Variants in LTAP1 observed in about 807,000 individuals in gnomAD.
The protein encoded by LTAP1 is lipid transport auxiliary protein 1.
At chr1:154,215,467 G>A in the LTAP1 span, among the ~76,000 whole-genome samples, 12 of 151,622 alleles carry the variant, frequency 7.9e-5, no homozygotes, top group East Asian at 4.0e-4. Flanking sequence ...TCGGGAGGCC[G>A]AGGCAGGAGA....
At chr1:154,215,258 G>A in the LTAP1 span, among the ~76,000 whole-genome samples, 3 of 151,086 alleles carry the variant, frequency 2.0e-5, no homozygotes, top group African/African-American at 7.3e-5. Flanking sequence ...CAAATTCATG[G>A]TATACAAATT....
the LTAP1 span, among the ~76,000 whole-genome samples, chr1:154,209,552 G>A: frequency 3.3e-4 from 50 of 150,706 alleles, no homozygotes; most frequent in East Asian, 8.5e-3. Flanking sequence ...CAGCTCCTGA[G>A]TAGCTGGGAC....
chr1:154,212,795 G>A, the LTAP1 span: 1 of 651,438 alleles, frequency 1.5e-6, no homozygotes. Flanking sequence ...CTGATTAGCT[G>A]GGATTACAGA....
At chr1:154,220,288 G>A in the LTAP1 span, 1 of 1,596,086 alleles carries the variant, frequency 6.3e-7, no homozygotes, top group South Asian at 1.1e-5. Flanking sequence ...TCAAAAGGAG[G>A]GTCTCTACTG....
the LTAP1 span, among the ~76,000 whole-genome samples, chr1:154,209,466 C>A: frequency 1.8e-4 from 27 of 147,480 alleles, no homozygotes; most frequent in African/African-American, 6.6e-4. Context: ...CACTCTGTTG[C>A]CCAGGTTAGA....
At chr1:154,210,822 G>C in the LTAP1 span, among the ~76,000 whole-genome samples, 1 of 148,716 alleles carries the variant, frequency 6.7e-6, no homozygotes, top group Non-Finnish European at 1.5e-5. Flanking sequence ...CAAGAACTTT[G>C]ATTTTAACAT....
At chr1:154,212,867 T>C in the LTAP1 span, 1 of 461,040 alleles carries the variant, frequency 2.2e-6, no homozygotes, top group Non-Finnish European at 4.0e-6. Flanking sequence ...ACAAAAGGGT[T>C]TCACCTTGTT....
chr1:154,217,098 C>G, the LTAP1 span, among the ~76,000 whole-genome samples: 46 of 152,040 alleles, frequency 3.0e-4, no homozygotes, highest in African/African-American at 1.0e-3. Context: ...AGGCACACAC[C>G]GCCACGCCCA....
chr1:154,212,516 C>G, the LTAP1 span: 2 of 1,614,154 alleles, frequency 1.2e-6, no homozygotes, highest in Non-Finnish European at 8.5e-7. Context: ...GAGTGCTTTG[C>G]GTACACCCTT....
At chr1:154,209,369 C>T in the LTAP1 span, among the ~76,000 whole-genome samples, 1 of 151,240 alleles carries the variant, frequency 6.6e-6, no homozygotes, top group Non-Finnish European at 1.5e-5. Context: ...ACTTCTAGAC[C>T]AAATGCCCTT....
the LTAP1 span, chr1:154,212,190 T>C: frequency 1.1e-5 from 11 of 995,874 alleles, no homozygotes; most frequent in South Asian, 5.2e-5. Flanking sequence ...ACTGATCTAA[T>C]AGTCTAGAAC....
the LTAP1 span, chr1:154,212,592 G>A: frequency 6.8e-6 from 11 of 1,614,170 alleles, no homozygotes; most frequent in South Asian, 5.5e-5. Context: ...ATTAAGGAAC[G>A]GGGATGCCGG....
the LTAP1 span, among the ~76,000 whole-genome samples, chr1:154,215,915 G>GC: frequency 1.2e-4 from 18 of 149,176 alleles, no homozygotes; most frequent in African/African-American, 4.2e-4. Context: ...TCAGCTCACT[G>GC]CAAGCTCCGC....
chr1:154,210,541 G>A, the LTAP1 span, among the ~76,000 whole-genome samples: 11 of 151,990 alleles, frequency 7.2e-5, no homozygotes, highest in Admixed American at 2.0e-4. Context: ...GGAATGGCAC[G>A]ATCTTGGCTC....
the LTAP1 span, among the ~76,000 whole-genome samples, chr1:154,211,274 A>T: frequency 1.5e-5 from 2 of 134,916 alleles, no homozygotes; most frequent in Non-Finnish European, 3.1e-5. Flanking sequence ...AAGTGCTGGG[A>T]TTATAGGCGT....
the LTAP1 span, among the ~76,000 whole-genome samples, chr1:154,218,506 T>C: frequency 6.6e-6 from 1 of 152,234 alleles, no homozygotes; most frequent in African/African-American, 2.4e-5. Flanking sequence ...CCTAGAGCCT[T>C]TTCATGTACT....
the LTAP1 span, among the ~76,000 whole-genome samples, chr1:154,216,863 G>T: frequency 6.6e-6 from 1 of 151,448 alleles, no homozygotes; most frequent in East Asian, 2.0e-4. Context: ...TGCCTACGCT[G>T]GTCTCGAACT....
the LTAP1 span, among the ~76,000 whole-genome samples, chr1:154,218,012 C>A: frequency 2.6e-5 from 4 of 152,202 alleles, no homozygotes; most frequent in Non-Finnish European, 5.9e-5. Flanking sequence ...TCACTGCAGT[C>A]TGTAACTCCT....
chr1:154,212,430 T>C, the LTAP1 span: 4 of 1,613,908 alleles, frequency 2.5e-6, no homozygotes, highest in Non-Finnish European at 3.4e-6. Flanking sequence ...GGGATCTCTT[T>C]AGTGCCCCGA....
Sources: gnomAD v4.1 joint callset for allele counts (sites outside exome capture counted in the v4.1 genomes callset) on GRCh38, gnomAD v4.1.1 for gene constraint, MANE v1.5 for transcripts, NCBI Gene and HGNC (gene_info 2026-07-23, HGNC 2026-07-21) for gene names.